Variants in TSPAN2 observed in about 807,000 individuals in gnomAD.
The protein encoded by TSPAN2 is tetraspanin-2.
Under a neutral mutation model 33.3 loss-of-function variants are expected in TSPAN2, and 24 were observed. The observed-to-expected ratio is 0.72, with a 90% CI of 0.52 to 1.01. The LOEUF (loss-of-function observed/expected upper bound fraction) is 1.01, where lower values mean the gene tolerates loss of function less well. Among genes scored for constraint, TSPAN2 ranks in the 50% least tolerant of loss-of-function variants. TSPAN2 has a pLI of 0.00. For missense variants in TSPAN2, 278 were observed against 281.3 expected (o/e 0.99, Z 0.08); for synonymous variants, 114 against 104.5 (o/e 1.09, Z -0.56).
At chr1:115,060,973 T>C (rs1172835440) in intron 3 of TSPAN2, among the ~76,000 whole-genome samples, 1 of 152,000 alleles carries the variant, frequency 6.6e-6, no homozygotes, top group Non-Finnish European at 1.5e-5. Flanking sequence ...GGCCTGGGCA[T>C]GGGGAAGGGG....
rs376642247 is a variant in TSPAN2, at chr1:115,062,095, C to G, written c.270+40G>C. ...ACTCCCTTCAGATGCAGGCCGCTCC[C>G]TCACCCCCACCCCACCATTTACCCC... is the stretch of plus-strand genomic sequence containing the variant. On this transcript the variant is annotated intron_variant, in intron 3 of 7. Coordinates refer to ENST00000369516, the MANE Select transcript of TSPAN2 (RefSeq NM_005725.6). The G allele has an allele frequency of 1.6e-5, 24 of 1,474,400 alleles. No individual in the cohort carries two copies. In the African/African-American group the frequency reaches 2.2e-4, roughly 14 times the overall value. 91.3% of individuals were successfully genotyped at this position (1,474,400 alleles called of 1,614,324 possible).
intron 1 of TSPAN2, among the ~76,000 whole-genome samples, chr1:115,075,926 T>C (rs4839022): frequency 0.18 from 27,530 of 152,122 alleles, 3,188 homozygotes; most frequent in East Asian, 0.41. Flanking sequence ...CTTCCTTGCA[T>C]GTTTATTAAG....
chr1:115,087,510 GGC>G (rs1477003427), intron 1 of TSPAN2, among the ~76,000 whole-genome samples: 1 of 151,612 alleles, frequency 6.6e-6, no homozygotes, highest in African/African-American at 2.4e-5. Context: ...CAGCTATTTG[GGC>G]GGCTGAGGCA....
intron 7 of TSPAN2, among the ~76,000 whole-genome samples, chr1:115,050,969 A>G (rs1423203232): frequency 1.3e-5 from 2 of 152,134 alleles, no homozygotes; most frequent in African/African-American, 4.8e-5. Context: ...ATAATTTTCT[A>G]TTGCTGGAAA....
At chr1:115,089,240 T>C (rs1316909238) in intron 1 of TSPAN2, 124 bp downstream of exon 1, 2 of 719,982 alleles carry the variant, frequency 2.8e-6, no homozygotes, top group Non-Finnish European at 4.2e-6. Context: ...CGCCTCCGCG[T>C]TTGAGCACCC....
chr1:115,066,821 TC>T (rs1647970629), intron 2 of TSPAN2, among the ~76,000 whole-genome samples: 1 of 152,240 alleles, frequency 6.6e-6, no homozygotes, highest in Non-Finnish European at 1.5e-5. Flanking sequence ...TAGGATGTTT[TC>T]ACATTTTGGA....
intron 1 of TSPAN2, among the ~76,000 whole-genome samples, chr1:115,087,601 G>A (rs1648892441): frequency 7.7e-6 from 1 of 129,564 alleles, no homozygotes; most frequent in East Asian, 2.5e-4. Flanking sequence ...GGGCTACAGA[G>A]TGAGACTCCG....
chr1:115,089,312 G>GGCCCCCC, intron 1 of TSPAN2, 52 bp downstream of exon 1: 22 of 1,389,016 alleles, frequency 1.6e-5, no homozygotes, highest in Non-Finnish European at 2.1e-5. Flanking sequence ...CCGGCCCCGC[G>GGCCCCCC]CCCGCCACCC....
Position 115,073,065 on chromosome 1 carries a change from G to A in TSPAN2, c.70-58C>T, listed in dbSNP as rs370919770. On this transcript the variant is annotated intron_variant, in intron 1 of 7. Coordinates refer to ENST00000369516, the MANE Select transcript of TSPAN2 (RefSeq NM_005725.6). ...AAGGGGAAAGAGCATGCACAGATCC[G>A]AGAGCAGGCTCTAGGCACAGGATGC... 74 of 1,433,636 alleles carry A rather than the reference G, an allele frequency of 5.2e-5. No individual in the cohort carries two copies. In the African/African-American group the frequency reaches 7.7e-4, roughly 15 times the overall value. The allele number at this position is 1,433,636 out of a possible 1,614,324, so 88.8% of individuals were successfully genotyped here. A position where few individuals can be genotyped will look rare whatever the true frequency, so the allele number is the denominator to read the frequency against.
In TSPAN2 at chr1:115,085,725, A is replaced by T. The variant is rs1451756278; in HGVS notation, c.69+3639T>A. On this transcript the variant is annotated intron_variant, in intron 1 of 7. Transcript: ENST00000369516. ...TTTCTGGAATCAGGTTCCCTCAGTT[A>T]CAGTGAAGGCAGATATCTAGATACT... Among the ~76,000 whole-genome samples, 5 of 152,150 alleles carry T rather than the reference A, an allele frequency of 3.3e-5. No individual in the cohort carries two copies. In the South Asian group the frequency reaches 1.0e-3, roughly 32 times the overall value.
At chr1:115,081,494 G>C (rs561428524) in intron 1 of TSPAN2, among the ~76,000 whole-genome samples, 1 of 152,322 alleles carries the variant, frequency 6.6e-6, no homozygotes, top group African/African-American at 2.4e-5. Context: ...GATGCCCTTA[G>C]GGTAATAAAC....
intron 3 of TSPAN2, among the ~76,000 whole-genome samples, chr1:115,061,094 G>A (rs1401203930): frequency 6.6e-6 from 1 of 152,168 alleles, no homozygotes; most frequent in Non-Finnish European, 1.5e-5. Context: ...ATCAAACTAA[G>A]TTCAGTGATA....
chr1:115,058,600 C>T (rs1253424609), intron 5 of TSPAN2, among the ~76,000 whole-genome samples: 1 of 152,200 alleles, frequency 6.6e-6, no homozygotes, highest in Non-Finnish European at 1.5e-5. Context: ...TTTATCTGGG[C>T]TCCTTTCTCT....
chr1:115,059,848 T>C (rs1358803053), intron 4 of TSPAN2, among the ~76,000 whole-genome samples: 1 of 152,234 alleles, frequency 6.6e-6, no homozygotes, highest in Non-Finnish European at 1.5e-5. Context: ...AACATAATAT[T>C]AATGACACAA....
intron 1 of TSPAN2, among the ~76,000 whole-genome samples, chr1:115,087,353 C>T (rs1192483843): frequency 1.3e-5 from 2 of 151,792 alleles, no homozygotes; most frequent in Admixed American, 6.6e-5. Context: ...CGGTGGCTCA[C>T]GCCTGTAATC....
At chr1:115,062,845 C>T (rs1020677057) in intron 2 of TSPAN2, among the ~76,000 whole-genome samples, 6 of 152,194 alleles carry the variant, frequency 3.9e-5, no homozygotes, top group Non-Finnish European at 5.9e-5. Context: ...CTTCCTGGGG[C>T]GCCTCTGGGT....
intron 2 of TSPAN2, among the ~76,000 whole-genome samples, chr1:115,065,946 G>A (rs1417358731): frequency 2.0e-5 from 3 of 151,838 alleles, no homozygotes; most frequent in Non-Finnish European, 4.4e-5. Flanking sequence ...GTCTACCCTC[G>A]GCCTCCATGA....
intron 5 of TSPAN2, chr1:115,058,199 A>T (rs1647511174): frequency 1.3e-5 from 2 of 155,562 alleles, no homozygotes; most frequent in African/African-American, 4.8e-5. Flanking sequence ...ACTTTCCAAG[A>T]CATACTTGTC....
intron 6 of TSPAN2, among the ~76,000 whole-genome samples, chr1:115,054,114 CAGAA>C (rs889689936): frequency 2.6e-5 from 4 of 152,168 alleles, no homozygotes; most frequent in African/African-American, 9.7e-5. Context: ...GAAACTTAGA[CAGAA>C]AGCCAAATAG....
Sources: gnomAD v4.1 joint callset for allele counts (sites outside exome capture counted in the v4.1 genomes callset) on GRCh38, gnomAD v4.1.1 for gene constraint, MANE v1.5 for transcripts, NCBI Gene and HGNC (gene_info 2026-07-23, HGNC 2026-07-21) for gene names.